Variants in OR52N4 observed in about 807,000 individuals in gnomAD.
OR52N4 encodes the protein olfactory receptor 52N4.
In OR52N4, 15 loss-of-function variants were observed where a neutral mutation model predicts 15.0. That is an observed-to-expected ratio of 1.00 (90% CI 0.67 to 1.54). The LOEUF (loss-of-function observed/expected upper bound fraction) is 1.54. Ranked by LOEUF, OR52N4 falls within the 40% of genes most tolerant of loss-of-function variation. The pLI, the probability that OR52N4 is intolerant of heterozygous loss-of-function variation, is 0.00. For missense variants in OR52N4, 421 were observed against 394.0 expected, an observed-to-expected ratio of 1.07 and a Z score of -0.58; for synonymous variants, 143 against 143.7, an observed-to-expected ratio of 1.00 and a Z score of 0.03.
chr11:5,729,032 C>A, the OR52N4 span, among the ~76,000 whole-genome samples: 1 of 151,834 alleles, frequency 6.6e-6, no homozygotes, highest in Non-Finnish European at 1.5e-5. Context: ...AATGCCATCC[C>A]TCCCCTCACC....
At chr11:5,736,185 G>A in the OR52N4 span, 1 of 245,978 alleles carries the variant, frequency 4.1e-6, no homozygotes, top group Non-Finnish European at 7.9e-6. Flanking sequence ...TTTATTTCTG[G>A]AAACCTTTAC....
chr11:5,726,667 A>C, the OR52N4 span: 1 of 152,480 alleles, frequency 6.6e-6, no homozygotes, highest in Non-Finnish European at 1.5e-5. Flanking sequence ...CCACTGAACC[A>C]GTCTTGCACA....
the OR52N4 span, among the ~76,000 whole-genome samples, chr11:5,740,804 G>C: frequency 7.9e-6 from 1 of 125,978 alleles, no homozygotes; most frequent in African/African-American, 2.9e-5. Context: ...AGTAAGCCAA[G>C]ATGGAACCAC....
chr11:5,728,702 T>C, the OR52N4 span, among the ~76,000 whole-genome samples: 1 of 152,220 alleles, frequency 6.6e-6, no homozygotes, highest in African/African-American at 2.4e-5. Context: ...TTCAAAGCTC[T>C]GTCTCTGTCA....
At chr11:5,750,992 T>C (rs1446990854), upstream of OR52N4, among the ~76,000 whole-genome samples, 1 of 151,992 alleles carries the variant, frequency 6.6e-6, no homozygotes, top group Non-Finnish European at 1.5e-5. Context: ...AGAATGTGAA[T>C]TTAAGTGCTT....
the OR52N4 span, among the ~76,000 whole-genome samples, chr11:5,730,863 C>T: frequency 1.1e-4 from 16 of 151,432 alleles, no homozygotes; most frequent in Non-Finnish European, 1.8e-4. Context: ...CTTCTCTTGC[C>T]TTTTTGTTTC....
Position 5,755,278 on chromosome 11 carries a change from T to A in OR52N4, c.538T>A (p.Tyr180Asn). The change falls in exon 2 of 2, where the codon TAC becomes AAC. Residue 180 changes from tyrosine (Y) to asparagine (N), a missense_variant. Transcript: ENST00000641350. ...YCRGNILPHT[Y>N]CDHMSVAKLS... ...CAGAGGCAATATACTTCCCCATACC[T>A]ACTGTGACCACATGTCTGTAGCCAA... The A allele has an allele frequency of 6.2e-7, 1 of 1,614,058 alleles. No individual in the cohort carries two copies. Among genetic ancestry groups the A allele is most frequent in the Non-Finnish European group, 8.5e-7 (1 of 1,179,972 alleles).
the OR52N4 span, among the ~76,000 whole-genome samples, chr11:5,749,055 T>C: frequency 6.6e-6 from 1 of 152,014 alleles, no homozygotes; most frequent in African/African-American, 2.4e-5. Flanking sequence ...CATGTATTTT[T>C]TTTAAGGCTC....
chr11:5,752,760 C>T (rs540119328), upstream of OR52N4, among the ~76,000 whole-genome samples: 8 of 152,168 alleles, frequency 5.3e-5, no homozygotes, highest in South Asian at 1.7e-3. Flanking sequence ...GGGAATATGA[C>T]CAGCAACTAA....
At chr11:5,732,365 T>C in the OR52N4 span, among the ~76,000 whole-genome samples, 1 of 152,178 alleles carries the variant, frequency 6.6e-6, no homozygotes, top group East Asian at 1.9e-4. Context: ...TCCTAGCCTT[T>C]AACTTACTCT....
chr11:5,729,501 A>C, the OR52N4 span, among the ~76,000 whole-genome samples: 1 of 152,152 alleles, frequency 6.6e-6, no homozygotes, highest in Non-Finnish European at 1.5e-5. Context: ...TGTGTTCTCC[A>C]AATTGACCAT....
At chr11:5,753,742 C>T (rs1290339294), upstream of OR52N4, among the ~76,000 whole-genome samples, 1 of 152,060 alleles carries the variant, frequency 6.6e-6, no homozygotes, top group African/African-American at 2.4e-5. Context: ...CCTGTAATCC[C>T]AGCACTTTGG....
At chr11:5,754,390 C>A in intron 1 of OR52N4, 85 bp downstream of exon 1, 1 of 196,702 alleles carries the variant, frequency 5.1e-6, no homozygotes, top group Non-Finnish European at 1.0e-5. Context: ...ATAAAAATAC[C>A]ATTTGAAAAG....
the OR52N4 span, chr11:5,736,957 T>G: frequency 6.2e-7 from 1 of 1,614,116 alleles, no homozygotes; most frequent in Admixed American, 1.7e-5. Flanking sequence ...TTGTCACCAG[T>G]TCCTTAATCT....
the OR52N4 span, chr11:5,736,792 C>A: frequency 6.2e-7 from 1 of 1,613,926 alleles, no homozygotes; most frequent in East Asian, 2.2e-5. Context: ...AGATCCTGGC[C>A]ATCTTCTGGT....
chr11:5,753,321 T>C (rs1018947784), upstream of OR52N4, among the ~76,000 whole-genome samples: 1 of 152,142 alleles, frequency 6.6e-6, no homozygotes, highest in Non-Finnish European at 1.5e-5. Flanking sequence ...GTTTGGTATG[T>C]CACTACATAC....
At position 5,755,300 on chromosome 11, in the gene OR52N4, C is replaced by A. The variant is rs762432200; in HGVS notation, c.560C>A (p.Ala187Asp). The change falls in exon 2 of 2, where the codon GCC (alanine) becomes GAC (aspartate). Residue 187 changes from alanine (A) to aspartate (D), a missense_variant. Coordinates refer to ENST00000641350, the MANE Select transcript of OR52N4 (RefSeq NM_001005175.5). ...PHTYCDHMSV[A>D]KLSCGNVKVN... ...ACCTACTGTGACCACATGTCTGTAGCCAAATTGTCCTGTGGTAATGTCAAG... is the reference window on the plus strand; with the variant it reads ...ACCTACTGTGACCACATGTCTGTAGACAAATTGTCCTGTGGTAATGTCAAG... 6.2e-7 allele frequency: 1 copy of A among 1,613,914 alleles called. No individual in the cohort carries two copies. Among genetic ancestry groups the A allele is most frequent in the Non-Finnish European group, 8.5e-7 (1 of 1,179,968 alleles).
chr11:5,736,758 G>A, the OR52N4 span: 4 of 1,614,010 alleles, frequency 2.5e-6, no homozygotes, highest in Non-Finnish European at 3.4e-6. Context: ...GTAGACATGG[G>A]TCTGGCCACT....
At chr11:5,753,654 A>T, upstream of OR52N4, among the ~76,000 whole-genome samples, 1 of 152,102 alleles carries the variant, frequency 6.6e-6, no homozygotes, top group African/African-American at 2.4e-5. Context: ...GTATATATTT[A>T]TGGGTGTATG....
Sources: gnomAD v4.1 joint callset for allele counts (sites outside exome capture counted in the v4.1 genomes callset) on GRCh38, gnomAD v4.1.1 for gene constraint, MANE v1.5 for transcripts, NCBI Gene and HGNC (gene_info 2026-07-23, HGNC 2026-07-21) for gene names.